The following PTGFRN variants were observed in gnomAD, a reference collection of about 807,000 sequenced individuals.
The protein encoded by PTGFRN is prostaglandin F2 receptor inhibitor.
Under a neutral mutation model 83.2 loss-of-function variants are expected in PTGFRN, and 35 were observed. The ratio of observed to expected loss-of-function variants is 0.42; its 90% CI spans 0.32 to 0.56. The LOEUF is 0.56. PTGFRN is among the 20% of genes least tolerant of loss of function. PTGFRN has a pLI of 0.11. For synonymous variants in PTGFRN, 519 were observed against 498.6 expected (o/e 1.04, Z -0.55); for missense variants, 1,051 against 1,179.5 (o/e 0.89, Z 1.60).
chr1:116,929,903 C>G (rs575731131), intron 1 of PTGFRN, among the ~76,000 whole-genome samples: 1 of 152,298 alleles, frequency 6.6e-6, no homozygotes, highest in East Asian at 1.9e-4. Flanking sequence ...ATCTTTGTTC[C>G]TTCTCTCCTG....
In PTGFRN at chr1:116,910,076, A is replaced by C; in HGVS notation, c.-128A>C. On this transcript the variant is annotated 5_prime_UTR_variant, in exon 1 of 9. Coordinates refer to ENST00000393203, the MANE Select transcript of PTGFRN (RefSeq NM_020440.4). ...CGCTGGGATTTATCGGCTCGCGAGGAGAGCGGAGCAGGCGCGCGGCCCAGG... is the reference window on the plus strand; with the variant it reads ...CGCTGGGATTTATCGGCTCGCGAGGCGAGCGGAGCAGGCGCGCGGCCCAGG... The C allele has an allele frequency of 9.8e-7, 1 of 1,016,940 alleles. No individual in the cohort carries two copies. Among genetic ancestry groups the C allele is most frequent in the Non-Finnish European group, 1.5e-6 (1 of 684,634 alleles). The allele number at this position is 1,016,940 out of a possible 1,614,324, so 63.0% of individuals were successfully genotyped here. A position where few individuals can be genotyped will look rare whatever the true frequency, so the allele number is the denominator to read the frequency against.
chr1:116,961,451 A>G lies in PTGFRN; in HGVS notation c.1422A>G (p.Lys474=), dbSNP rs779471674. Reference sequence around the variant, plus strand: ...TCATGGACGGGGACTGGACGCTAAAATATGGAGAGAGGAGCAAGCAGCGGG... The same window carrying G: ...TCATGGACGGGGACTGGACGCTAAAGTATGGAGAGAGGAGCAAGCAGCGGG... ...LAVMDGDWTL[K]YGERSKQRAQ... is the part of the protein sequence containing the mutation. Residue 474 remains lysine, a synonymous_variant, in exon 5 of 9, where the codon AAA becomes AAG. Coordinates refer to ENST00000393203, the MANE Select transcript of PTGFRN (RefSeq NM_020440.4). This position sits in a 1 kb window ranked among gnomAD's most constrained non-coding sequence, Gnocchi z 5.4. 2 of 1,614,166 alleles carry G rather than the reference A, an allele frequency of 1.2e-6. No individual in the cohort carries two copies. The highest frequency in any genetic ancestry group is 1.7e-5 in the Admixed American group (1 of 60,012).
At chr1:116,974,451 C>A in intron 7 of PTGFRN, 128 bp downstream of exon 7, 2 of 695,870 alleles carry the variant, frequency 2.9e-6, no homozygotes. Context: ...CTGCCTGGCC[C>A]AGTACTTTGT....
chr1:116,921,306 G>GTACAC (rs1259192651), intron 1 of PTGFRN, among the ~76,000 whole-genome samples: 2 of 152,198 alleles, frequency 1.3e-5, no homozygotes, highest in African/African-American at 4.8e-5. Flanking sequence ...TCTGTCCAGT[G>GTACAC]TACACTACTT....
intron 4 of PTGFRN, among the ~76,000 whole-genome samples, chr1:116,949,849 C>T (rs1650296932): frequency 6.6e-6 from 1 of 152,166 alleles, no homozygotes; most frequent in African/African-American, 2.4e-5. Context: ...GGTCAGGGCA[C>T]TGCTGAATGG....
chr1:116,972,580 T>A (rs971391906), intron 6 of PTGFRN, among the ~76,000 whole-genome samples: 5 of 152,256 alleles, frequency 3.3e-5, no homozygotes, highest in African/African-American at 1.2e-4. Flanking sequence ...TTAGGATACT[T>A]GTTTCTTTCT....
Position 116,985,054 on chromosome 1 carries a change from G to A in PTGFRN, c.2473+69G>A, listed in dbSNP as rs943814762. 2.7e-6 allele frequency: 4 copies of A among 1,508,406 alleles called. No homozygotes were observed. In the African/African-American group the frequency reaches 5.5e-5, roughly 21 times the overall value. The allele number at this position is 1,508,406 out of a possible 1,614,324, so 93.4% of individuals were successfully genotyped here. Reference sequence around the variant, plus strand: ...TTCTTGTGCCAGGCTGTAGCTGACAGAACCCAGGTGGCCACAGTTTGAGGA... The same window carrying A: ...TTCTTGTGCCAGGCTGTAGCTGACAAAACCCAGGTGGCCACAGTTTGAGGA... On this transcript the variant is annotated intron_variant, in intron 8 of 8. Transcript: ENST00000393203.
At chr1:116,955,823 C>T (rs889200257) in intron 4 of PTGFRN, among the ~76,000 whole-genome samples, 29 of 152,126 alleles carry the variant, frequency 1.9e-4, no homozygotes, top group African/African-American at 7.0e-4. Context: ...TGTGGAAAGC[C>T]CATAAGACAT....
intron 1 of PTGFRN, among the ~76,000 whole-genome samples, chr1:116,910,748 C>T (rs2101047143): frequency 6.6e-6 from 1 of 152,294 alleles, no homozygotes; most frequent in Non-Finnish European, 1.5e-5. Flanking sequence ...GAGAATCCTC[C>T]AACTTCCTTC....
At chr1:116,921,704 A>T (rs1649541406) in intron 1 of PTGFRN, among the ~76,000 whole-genome samples, 1 of 152,158 alleles carries the variant, frequency 6.6e-6, no homozygotes, top group South Asian at 2.1e-4. Context: ...AAGATTACAA[A>T]GTCCAAAATG....
Position 116,988,500 on chromosome 1 carries a change from A to G in PTGFRN, c.*1533A>G, listed in dbSNP as rs80348030. On this transcript the variant is annotated 3_prime_UTR_variant, in exon 9 of 9. Coordinates refer to ENST00000393203, the MANE Select transcript of PTGFRN (RefSeq NM_020440.4). ...GCTGGTGACTCATGCCCTAATTGCA[A>G]TCCTCTGCTTTTATCTTGACTTTGA... The G allele has an allele frequency of 0.071, 10,836 of 152,690 alleles. 443 individuals carry two copies. The highest frequency in any genetic ancestry group is 0.082 in the Non-Finnish European group (5,607 of 68,072). 9.5% of individuals were successfully genotyped at this position (152,690 alleles called of 1,614,324 possible).
At position 116,945,057 on chromosome 1, in the gene PTGFRN, C is replaced by T. The variant is rs137888350; in HGVS notation, c.797C>T (p.Ala266Val). The T allele has an allele frequency of 1.1e-4, 183 of 1,613,276 alleles. 1 individual carries two copies. Among genetic ancestry groups the T allele is most frequent in the Admixed American group, 3.3e-4 (20 of 59,974 alleles). Reference protein sequence around the residue: ...QGNWQEIQEKAVEVATVVIQP... With the variant: ...QGNWQEIQEKVVEVATVVIQP... The stretch of plus-strand genomic sequence containing the variant: ...AACTGGCAGGAAATCCAAGAAAAGG[C>T]CGTGGAAGTTGCCACCGTGGTGATC... Residue 266 changes from alanine to valine, a missense_variant, in exon 3 of 9, where the codon GCC becomes GTC. Around this residue, in one of 3 missense-constraint regions of PTGFRN, gnomAD observed 719 missense variants for 836.6 expected, o/e 0.86. Coordinates refer to ENST00000393203, the MANE Select transcript of PTGFRN (RefSeq NM_020440.4).
At chr1:116,951,965 T>C (rs1001724601) in intron 4 of PTGFRN, among the ~76,000 whole-genome samples, 1 of 152,082 alleles carries the variant, frequency 6.6e-6, no homozygotes, top group Non-Finnish European at 1.5e-5. Flanking sequence ...TGACAAGCAC[T>C]CTGTTGATAT....
Position 116,934,508 on chromosome 1 carries a change from C to T in PTGFRN, c.50-7207C>T, listed in dbSNP as rs549383995. Reference sequence around the variant, plus strand: ...AACCTATTTATTGACCTCTTAATTTCGGATATTGTATTTTTTTTTTTAGTT... The same window carrying T: ...AACCTATTTATTGACCTCTTAATTTTGGATATTGTATTTTTTTTTTTAGTT... On this transcript the variant is annotated intron_variant, in intron 1 of 8. Transcript: ENST00000393203. Among the ~76,000 whole-genome samples the T allele has an allele frequency of 1.1e-4, 17 of 151,982 alleles. 1 individual carries two copies. In the South Asian group the frequency reaches 1.5e-3, roughly 13 times the overall value.
intron 1 of PTGFRN, among the ~76,000 whole-genome samples, chr1:116,938,844 A>G (rs913566745): frequency 6.6e-6 from 1 of 152,236 alleles, no homozygotes; most frequent in African/African-American, 2.4e-5. Context: ...CAATGTGGGT[A>G]CAGGCATTTG....
At chr1:116,959,249 A>G (rs1650578925) in intron 4 of PTGFRN, among the ~76,000 whole-genome samples, 1 of 152,182 alleles carries the variant, frequency 6.6e-6, no homozygotes, top group Non-Finnish European at 1.5e-5. Flanking sequence ...GTGACAGCAT[A>G]TGAGCCTGTA....
At chr1:116,973,107 G>A (rs1651050944) in intron 6 of PTGFRN, among the ~76,000 whole-genome samples, 1 of 151,974 alleles carries the variant, frequency 6.6e-6, no homozygotes, top group African/African-American at 2.4e-5. Context: ...TTGTAGAGGC[G>A]GGATTTTGCC....
At chr1:116,921,676 CTG>C (rs1649540533) in intron 1 of PTGFRN, among the ~76,000 whole-genome samples, 1 of 151,024 alleles carries the variant, frequency 6.6e-6, no homozygotes, top group Admixed American at 6.6e-5. Context: ...AATATTGACT[CTG>C]TTTCTGACAT....
At chr1:116,919,874 C>T (rs1383612849) in intron 1 of PTGFRN, among the ~76,000 whole-genome samples, 1 of 152,216 alleles carries the variant, frequency 6.6e-6, no homozygotes. Flanking sequence ...GGCCCTTGTC[C>T]TTCTACTCAC....
Sources: allele counts gnomAD v4.1 joint callset (sites outside exome capture counted in the v4.1 genomes callset), GRCh38; gene constraint gnomAD v4.1.1; regional missense constraint gnomAD v4.1.1; non-coding constraint Gnocchi (gnomAD v3.1); transcripts MANE v1.5; gene names NCBI Gene and HGNC (gene_info 2026-07-23, HGNC 2026-07-21).